NUP98: variants seen among roughly 807,000 people sequenced by gnomAD.
The protein encoded by NUP98 is nuclear pore complex protein Nup98-Nup96.
Under a neutral mutation model 191.9 loss-of-function variants are expected in NUP98, and 26 were observed. The ratio of observed to expected loss-of-function variants is 0.14; its 90% CI spans 0.10 to 0.19. The LOEUF is 0.19. Among genes scored for constraint, NUP98 ranks in the 10% least tolerant of loss-of-function variants. The probability of loss-of-function intolerance (pLI) is 1.00; values close to 1 mark genes in which losing one functional copy is unlikely to be tolerated. For missense variants in NUP98, 1,941 were observed against 2,178.8 expected (o/e 0.89, Z 2.17); for synonymous variants, 808 against 778.4 (o/e 1.04, Z -0.63).
rs370973329 is a variant in NUP98 at position 3,763,181 on chromosome 11, C to T, written c.949-142G>A. 37 of 729,510 alleles carry T rather than the reference C, an allele frequency of 5.1e-5. No homozygotes were observed. The South Asian group carries it at 8.6e-4, about 17-fold the overall frequency. 45.2% of individuals were successfully genotyped at this position (729,510 alleles called of 1,614,324 possible). A position where few individuals can be genotyped will look rare whatever the true frequency, so the allele number is the denominator to read the frequency against. The stretch of plus-strand genomic sequence containing the variant: ...AATAACTTATATAGATTATTTCCTT[C>T]AAAACAACCCTGAAAAGCAGGGAGT... On this transcript the variant is annotated intron_variant, in intron 8 of 32. Transcript: ENST00000324932.
At position 3,707,838 on chromosome 11, in the gene NUP98, C is replaced by T. The variant is rs1237746481; in HGVS notation, c.2743-1211G>A. Among the ~76,000 whole-genome samples, 5 of 149,936 alleles carry T rather than the reference C, an allele frequency of 3.3e-5. No homozygotes were observed. The East Asian group carries it at 9.9e-4, about 30-fold the overall frequency. On this transcript the variant is annotated intron_variant, in intron 20 of 32. Transcript: ENST00000324932. Reference sequence around the variant, plus strand: ...AACAGTGGCTGGTCATGGTGGCTCACACCCATAATCCCAGCACTTTGGGAG... The same window carrying T: ...AACAGTGGCTGGTCATGGTGGCTCATACCCATAATCCCAGCACTTTGGGAG...
At chr11:3,709,406 G>T (rs572635464) in intron 20 of NUP98, among the ~76,000 whole-genome samples, 153 of 152,104 alleles carry the variant, frequency 1.0e-3, no homozygotes, top group Non-Finnish European at 1.8e-3. Context: ...CTTTAAAAAA[G>T]TTTAAAACTT....
chr11:3,702,338 C>A lies in NUP98; in HGVS notation c.3512+125G>T, dbSNP rs944384329. The A allele has an allele frequency of 4.1e-5, 13 of 316,682 alleles. No homozygotes were observed. The Admixed American group carries it at 6.9e-4, about 17-fold the overall frequency. The allele number at this position is 316,682 out of a possible 1,614,324, so 19.6% of individuals were successfully genotyped here. A position where few individuals can be genotyped will look rare whatever the true frequency, so the allele number is the denominator to read the frequency against. On this transcript the variant is annotated intron_variant, in intron 23 of 32. Transcript: ENST00000324932. ...ACTCTCTCTCTCTCTCTCTCTCTCT[C>A]TCTCTCTCTCTCTCTCTCTCTCTCT... is the stretch of plus-strand genomic sequence containing the variant.
intron 31 of NUP98, chr11:3,676,847 A>G: frequency 1.6e-6 from 1 of 630,864 alleles, no homozygotes; most frequent in Non-Finnish European, 2.9e-6. Flanking sequence ...GACTAGGAAA[A>G]GTCTTGAGAT....
chr11:3,764,885 CT>C (rs892125789), intron 8 of NUP98, among the ~76,000 whole-genome samples: 1 of 152,026 alleles, frequency 6.6e-6, no homozygotes, highest in African/African-American at 2.4e-5. Flanking sequence ...GCCTGTTAGT[CT>C]TTTTTTATTG....
intron 14 of NUP98, among the ~76,000 whole-genome samples, chr11:3,729,915 T>C (rs1219555738): frequency 6.6e-6 from 1 of 151,806 alleles, no homozygotes; most frequent in African/African-American, 2.4e-5. Flanking sequence ...CTGTAAACCT[T>C]TTTACCTACT....
Position 3,768,578 on chromosome 11 carries a change from T to C in NUP98, c.948+3A>G. 1 of 1,569,312 alleles carries C rather than the reference T, an allele frequency of 6.4e-7. No homozygotes were observed. Among genetic ancestry groups the C allele is most frequent in the Non-Finnish European group, 8.6e-7 (1 of 1,158,338 alleles). ...GGAGGTAAGTAAGGGTCTGTTTCCT[T>C]ACCATGGTGTTGGTGCTTGGCTGTC... On this transcript the variant is annotated splice_donor_region_variant and intron_variant, in intron 8 of 32. Transcript: ENST00000324932.
At chr11:3,714,082 G>C (rs2079101932) in intron 18 of NUP98, 87 bp from the exon 19 acceptor site, 3 of 1,253,752 alleles carry the variant, frequency 2.4e-6, no homozygotes, top group Non-Finnish European at 3.4e-6. Context: ...CATAAATAGT[G>C]AATAATGGTA....
chr11:3,697,062 CA>C (rs1283337552), intron 25 of NUP98: 3 of 152,022 alleles, frequency 2.0e-5, no homozygotes, highest in Admixed American at 6.6e-5. Context: ...TAAGTTCATA[CA>C]AGATCAATCC....
At chr11:3,714,119 A>T in intron 18 of NUP98, 124 bp from the exon 19 acceptor site, 1 of 988,614 alleles carries the variant, frequency 1.0e-6, no homozygotes, top group Non-Finnish European at 1.5e-6. Flanking sequence ...ATTATTCTGC[A>T]TGTGTCATAA....
chr11:3,711,780 A>G, intron 20 of NUP98: 3 of 840,490 alleles, frequency 3.6e-6, no homozygotes, highest in Non-Finnish European at 2.9e-6. Flanking sequence ...CACATTTATC[A>G]TACCCTCCCC....
rs192409739 is a variant in NUP98 at position 3,702,974 on chromosome 11, A to G, written c.3083-82T>C. 510 of 1,148,630 alleles carry G rather than the reference A, an allele frequency of 4.4e-4. 1 individual carries two copies. Among genetic ancestry groups the G allele is most frequent in the Admixed American group, 6.1e-4 (27 of 44,558 alleles). The allele number at this position is 1,148,630 out of a possible 1,614,324, so 71.2% of individuals were successfully genotyped here. On this transcript the variant is annotated intron_variant, in intron 22 of 32. Transcript: ENST00000324932. Reference sequence around the variant, plus strand: ...TTCTTGAACAATAACAAAAATCAGTAAGGCTGAAATCATTCAATGTTTAAT... The same window carrying G: ...TTCTTGAACAATAACAAAAATCAGTGAGGCTGAAATCATTCAATGTTTAAT...
At chr11:3,689,976 G>A (rs1182251470) in intron 28 of NUP98, among the ~76,000 whole-genome samples, 1 of 101,096 alleles carries the variant, frequency 9.9e-6, no homozygotes, top group East Asian at 3.1e-4. Context: ...TTGAGACAAA[G>A]AGTCTTGTTT....
chr11:3,692,574 T>C (rs1163430817), intron 27 of NUP98, among the ~76,000 whole-genome samples: 1 of 150,848 alleles, frequency 6.6e-6, no homozygotes, highest in Non-Finnish European at 1.5e-5. Context: ...CAGCCTGGGC[T>C]ACACAGCGAG....
chr11:3,783,769 C>T (rs1262873849), intron 1 of NUP98, among the ~76,000 whole-genome samples: 1 of 152,068 alleles, frequency 6.6e-6, no homozygotes, highest in East Asian at 1.9e-4. Flanking sequence ...AAACTATGCA[C>T]CCGGTCATTT....
intron 29 of NUP98, among the ~76,000 whole-genome samples, chr11:3,684,744 C>T (rs2078086157): frequency 8.7e-6 from 1 of 115,588 alleles, no homozygotes; most frequent in African/African-American, 3.6e-5. Flanking sequence ...TAAATAGAAA[C>T]TAATGTTATG....
chr11:3,719,315 A>T, intron 18 of NUP98, 97 bp downstream of exon 18: 2 of 940,534 alleles, frequency 2.1e-6, no homozygotes, highest in African/African-American at 3.4e-5. Flanking sequence ...TAGTAAGGAA[A>T]GCAAGCTACA....
In NUP98 at chr11:3,676,231, C is replaced by T. The variant is rs1395602580; in HGVS notation, c.5331G>A (p.Glu1777=). 3.7e-6 allele frequency: 6 copies of T among 1,614,186 alleles called. No individual in the cohort carries two copies. Among genetic ancestry groups the T allele is most frequent in the Non-Finnish European group, 5.1e-6 (6 of 1,180,036 alleles). Residue 1777 remains glutamate (E), a synonymous_variant, in exon 33 of 33, where the codon GAG becomes GAA. Coordinates refer to ENST00000324932, the MANE Select transcript of NUP98 (RefSeq NM_016320.5). ...TGCGCAGTTCGTCCATGGCATAGTC[C>T]TCAGGCATGGGAAGCCGGCCAATGT... The part of the protein sequence containing the change: ...APHIGRLPMP[E]DYAMDELRSL...
chr11:3,725,041 A>G, intron 15 of NUP98, 62 bp downstream of exon 15: 1 of 725,318 alleles, frequency 1.4e-6, no homozygotes, highest in Non-Finnish European at 2.4e-6. Context: ...ATTCCTAAGA[A>G]TGTCTTAAAA....
Sources: gnomAD v4.1 joint callset for allele counts (sites outside exome capture counted in the v4.1 genomes callset) on GRCh38, gnomAD v4.1.1 for gene constraint, MANE v1.5 for transcripts, NCBI Gene and HGNC (gene_info 2026-07-23, HGNC 2026-07-21) for gene names.